Variants in ART3 observed in about 807,000 individuals in gnomAD.
ART3 encodes ADP-ribosyltransferase 3 (inactive), also known as ecto-ADP-ribosyltransferase 3.
In ART3, 49 loss-of-function variants were observed where a neutral mutation model predicts 48.5. The ratio of observed to expected loss-of-function variants is 1.01; its 90% CI spans 0.80 to 1.28. The LOEUF (loss-of-function observed/expected upper bound fraction) is 1.28. Among genes scored for constraint, ART3 ranks in the 50% most tolerant of loss-of-function variants. The probability of loss-of-function intolerance (pLI) is 0.00; values close to 1 mark genes in which losing one functional copy is unlikely to be tolerated. For synonymous variants in ART3, 145 were observed against 157.2 expected (o/e 0.92, Z 0.58); for missense variants, 438 against 454.3 (o/e 0.96, Z 0.33).
At position 76,112,596 on chromosome 4, in the gene ART3, G is replaced by A. The variant is rs903097769; in HGVS notation, c.*77G>A. On this transcript the variant is annotated 3_prime_UTR_variant, in exon 12 of 12. Transcript: ENST00000355810. Reference sequence around the variant, plus strand: ...TCCACAGGAGATCAAAAGGAATGATGTATTTTTTACGTGTTGGCCAAAGTC... The same window carrying A: ...TCCACAGGAGATCAAAAGGAATGATATATTTTTTACGTGTTGGCCAAAGTC... 2 of 1,448,104 alleles carry A rather than the reference G, an allele frequency of 1.4e-6. No individual in the cohort carries two copies. Among genetic ancestry groups the A allele is most frequent in the Non-Finnish European group, 1.8e-6 (2 of 1,086,522 alleles). 89.7% of individuals were successfully genotyped at this position (1,448,104 alleles called of 1,614,324 possible). A position where few individuals can be genotyped will look rare whatever the true frequency, so the allele number is the denominator to read the frequency against.
chr4:76,050,402 C>G (rs563993534), intron 1 of ART3, among the ~76,000 whole-genome samples: 3 of 152,202 alleles, frequency 2.0e-5, no homozygotes, highest in East Asian at 3.9e-4. Flanking sequence ...TCTCCAGGGC[C>G]CCACCAGAAT....
At chr4:76,041,304 G>C (rs2149426229) in intron 1 of ART3, 1 of 152,282 alleles carries the variant, frequency 6.6e-6, no homozygotes. Context: ...CTCATCTGGT[G>C]AGCCTGAGAG....
intron 1 of ART3, among the ~76,000 whole-genome samples, chr4:76,032,950 T>C (rs1301535184): frequency 6.6e-6 from 1 of 151,922 alleles, no homozygotes; most frequent in Non-Finnish European, 1.5e-5. Flanking sequence ...TAGATATTTA[T>C]ATAGATTTAT....
intron 1 of ART3, chr4:76,022,935 C>A: frequency 9.9e-7 from 1 of 1,008,044 alleles, no homozygotes; most frequent in Non-Finnish European, 1.5e-6. Flanking sequence ...GTCACTTAAT[C>A]TGAGGAGGAA....
At position 76,100,275 on chromosome 4, in the gene ART3, C is replaced by A; in HGVS notation, c.848-16C>A. 6.2e-7 allele frequency: 1 copy of A among 1,611,160 alleles called. No homozygotes were observed. Among genetic ancestry groups the A allele is most frequent in the East Asian group, 2.2e-5 (1 of 44,730 alleles). On this transcript the variant is annotated splice_polypyrimidine_tract_variant and intron_variant, in intron 5 of 11. Transcript: ENST00000355810. Reference sequence around the variant, plus strand: ...TTCCATTGTTAAAACTGATGAACTTCTTTTCTGTGACTCAGGTGAGAAAAA... The same window carrying A: ...TTCCATTGTTAAAACTGATGAACTTATTTTCTGTGACTCAGGTGAGAAAAA...
intron 1 of ART3, among the ~76,000 whole-genome samples, chr4:76,067,346 C>T (rs1719841959): frequency 6.6e-6 from 1 of 152,160 alleles, no homozygotes; most frequent in Non-Finnish European, 1.5e-5. Context: ...CAAAGGAGTG[C>T]ATCTTGAGTT....
intron 1 of ART3, among the ~76,000 whole-genome samples, chr4:76,055,181 AG>A (rs1161360496): frequency 6.6e-6 from 1 of 152,210 alleles, no homozygotes; most frequent in Non-Finnish European, 1.5e-5. Context: ...TTTCAGTATG[AG>A]CAGTAAAAGG....
intron 1 of ART3, chr4:76,058,668 C>T (rs1718906752): frequency 6.6e-6 from 1 of 152,198 alleles, no homozygotes; most frequent in Non-Finnish European, 1.5e-5. Flanking sequence ...TATACACATA[C>T]ACACAAACAC....
intron 1 of ART3, among the ~76,000 whole-genome samples, chr4:76,027,457 TAC>T (rs1733505625): frequency 6.6e-6 from 1 of 151,996 alleles, no homozygotes; most frequent in Non-Finnish European, 1.5e-5. Context: ...CTTGTGCAAT[TAC>T]AGATAAATGT....
rs181396370 is a variant in ART3 at position 76,075,454 on chromosome 4, C to A, written c.-9-427C>A. On this transcript the variant is annotated intron_variant, in intron 1 of 11. Transcript: ENST00000355810. ...AATGGATAATGTGCATGGACATATT[C>A]CTGGGGAATTCTTAGAAACTGGGAG... Among the ~76,000 whole-genome samples the A allele has an allele frequency of 1.9e-3, 285 of 152,178 alleles. 1 individual carries two copies. Among genetic ancestry groups the A allele is most frequent in the Non-Finnish European group, 3.5e-3 (237 of 68,010 alleles).
chr4:76,059,362 GT>G (rs71657397), intron 1 of ART3, among the ~76,000 whole-genome samples: 2 of 141,070 alleles, frequency 1.4e-5, no homozygotes, highest in African/African-American at 5.2e-5. Flanking sequence ...ATTTTCTCTT[GT>G]TTTTTTTTCT....
intron 1 of ART3, chr4:76,022,627 T>C: frequency 1.3e-6 from 2 of 1,531,530 alleles, no homozygotes; most frequent in Non-Finnish European, 1.8e-6. Context: ...TTATTATCAT[T>C]ACATATTTAA....
Position 76,022,408 on chromosome 4 carries a change from G to A in ART3, c.-10+11088G>A, listed in dbSNP as rs755610178. ...TTTCAGTAAATTCTTGATGGCCTTCGATTCTGGATTCAGACATCTCTTCTC... is the reference window on the plus strand; with the variant it reads ...TTTCAGTAAATTCTTGATGGCCTTCAATTCTGGATTCAGACATCTCTTCTC... On this transcript the variant is annotated intron_variant, in intron 1 of 9. Transcript: ENST00000341029. 19 of 1,613,506 alleles carry A rather than the reference G, an allele frequency of 1.2e-5. No individual in the cohort carries two copies. In the East Asian group the frequency reaches 1.8e-4, roughly 15 times the overall value.
chr4:76,056,759 C>A (rs1391979988), intron 1 of ART3, among the ~76,000 whole-genome samples: 1 of 152,106 alleles, frequency 6.6e-6, no homozygotes, highest in African/African-American at 2.4e-5. Context: ...TCTAGGCTAG[C>A]CTGCTAAAAT....
intron 1 of ART3, among the ~76,000 whole-genome samples, chr4:76,047,718 C>T (rs1735646080): frequency 6.6e-6 from 1 of 151,962 alleles, no homozygotes; most frequent in Non-Finnish European, 1.5e-5. Context: ...CTTTCTTCAG[C>T]TGTCATTCCA....
At chr4:76,027,145 C>T (rs1021783136) in intron 1 of ART3, among the ~76,000 whole-genome samples, 6 of 151,940 alleles carry the variant, frequency 3.9e-5, no homozygotes, top group Admixed American at 6.6e-5. Flanking sequence ...CCCAGCTACA[C>T]AGGAGGCTGA....
At chr4:76,034,300 A>G in intron 1 of ART3, 2 of 397,866 alleles carry the variant, frequency 5.0e-6, no homozygotes, top group Middle Eastern at 6.3e-4. Flanking sequence ...TGACTCCAGT[A>G]ATAATGTCAA....
chr4:76,049,639 C>T (rs1186140167), intron 1 of ART3, among the ~76,000 whole-genome samples: 1 of 89,302 alleles, frequency 1.1e-5, no homozygotes, highest in African/African-American at 5.0e-5. Flanking sequence ...GTATTTAGCC[C>T]CCGAAATTTT....
chr4:76,100,121 G>T (rs891690000), intron 5 of ART3, among the ~76,000 whole-genome samples, 170 bp from the exon 6 acceptor site: 1 of 152,002 alleles, frequency 6.6e-6, no homozygotes, highest in African/African-American at 2.4e-5. Context: ...CATTAGCCAA[G>T]GTACATTTAG....
Sources: allele counts gnomAD v4.1 joint callset (sites outside exome capture counted in the v4.1 genomes callset), GRCh38; gene constraint gnomAD v4.1.1; transcripts MANE v1.5; gene names NCBI Gene and HGNC (gene_info 2026-07-23, HGNC 2026-07-21).